KDM5A: variants seen among roughly 807,000 people sequenced by gnomAD.
KDM5A encodes lysine-specific demethylase 5A.
A neutral mutation model predicts 193.5 loss-of-function variants in KDM5A; 42 were observed. The ratio of observed to expected loss-of-function variants is 0.22; its 90% CI spans 0.17 to 0.28. The LOEUF is 0.28. Among genes scored for constraint, KDM5A ranks in the 10% least tolerant of loss-of-function variants. The pLI is 1.00. For synonymous variants in KDM5A, 796 were observed against 718.1 expected, an observed-to-expected ratio of 1.11 and a Z score of -1.73; for missense variants, 1,692 against 2,055.1, an observed-to-expected ratio of 0.82 and a Z score of 3.42.
chr12:348,295 A>G (rs1944104494), intron 10 of KDM5A, among the ~76,000 whole-genome samples: 4 of 152,304 alleles, frequency 2.6e-5, no homozygotes, highest in Admixed American at 2.6e-4. Context: ...AAATAGGAAC[A>G]CTGTTACACT....
intron 10 of KDM5A, among the ~76,000 whole-genome samples, chr12:342,032 C>T (rs1474831453): frequency 6.6e-6 from 1 of 151,990 alleles, no homozygotes; most frequent in Non-Finnish European, 1.5e-5. Flanking sequence ...AATCAAAAAG[C>T]AACTGTCAGC....
At chr12:359,535 C>G (rs924317624) in intron 5 of KDM5A, among the ~76,000 whole-genome samples, 2 of 150,958 alleles carry the variant, frequency 1.3e-5, no homozygotes, top group Non-Finnish European at 3.0e-5. Context: ...GCAGATCACT[C>G]GAGCCCAGAG....
At chr12:291,074 A>G (rs1943287544) in intron 27 of KDM5A, among the ~76,000 whole-genome samples, 1 of 152,184 alleles carries the variant, frequency 6.6e-6, no homozygotes, top group African/African-American at 2.4e-5. Flanking sequence ...ATAAATTCAA[A>G]ATTAAAGATA....
intron 3 of KDM5A, among the ~76,000 whole-genome samples, chr12:372,393 C>A (rs1169874072): frequency 6.7e-6 from 1 of 150,152 alleles, no homozygotes; most frequent in Non-Finnish European, 1.5e-5. Context: ...TGATTTGGCT[C>A]TCTGTTATTG....
At chr12:368,780 A>T (rs1944388698) in intron 3 of KDM5A, among the ~76,000 whole-genome samples, 7 of 152,186 alleles carry the variant, frequency 4.6e-5, no homozygotes, top group Admixed American at 3.3e-4. Flanking sequence ...GCAAAGTTAC[A>T]TACCTTGCAA....
At chr12:352,878 A>G (rs1404839212) in intron 8 of KDM5A, among the ~76,000 whole-genome samples, 1 of 152,200 alleles carries the variant, frequency 6.6e-6, no homozygotes, top group African/African-American at 2.4e-5. Context: ...AAAGGCCATA[A>G]AAGACCTTTG....
chr12:300,633 G>A (rs2137377230), intron 24 of KDM5A, among the ~76,000 whole-genome samples: 1 of 152,204 alleles, frequency 6.6e-6, no homozygotes, highest in East Asian at 1.9e-4. Context: ...AGAGAAGCAA[G>A]AGCAAACAAA....
At chr12:310,858 C>T (rs1457357392) in intron 21 of KDM5A, 27 bp downstream of exon 21, 1 of 1,609,998 alleles carries the variant, frequency 6.2e-7, no homozygotes, top group Non-Finnish European at 8.5e-7. Flanking sequence ...TTATCAGCTG[C>T]TTATGAGAGT....
At chr12:319,527 G>T (rs11608938) in intron 18 of KDM5A, among the ~76,000 whole-genome samples, 23,270 of 152,160 alleles carry the variant, frequency 0.15, 2,128 homozygotes, top group Non-Finnish European at 0.2. Flanking sequence ...AAAGCAAGTG[G>T]ATCGCTTGAG....
chr12:334,412 A>G lies in KDM5A; in HGVS notation c.1319T>C (p.Leu440Pro). The G allele has an allele frequency of 6.2e-7, 1 of 1,613,446 alleles. No individual in the cohort carries two copies. Among genetic ancestry groups the G allele is most frequent in the Non-Finnish European group, 8.5e-7 (1 of 1,179,434 alleles). The change falls in exon 11 of 28, where the codon CTT (leucine) becomes CCT (proline). Residue 440 changes from leucine to proline, a missense_variant. Coordinates refer to ENST00000399788, the MANE Select transcript of KDM5A (RefSeq NM_001042603.3). ...CATGTTATTCAAATTCCAACCAGAAAGTGCATATTCCTATAAGAGAAGAAA... is the reference window on the plus strand; with the variant it reads ...CATGTTATTCAAATTCCAACCAGAAGGTGCATATTCCTATAAGAGAAGAAA... ...KILPEEEEYA[L>P]SGWNLNNMPV...
Position 307,342 on chromosome 12 carries a change from T to C in KDM5A, c.3930+112A>G, listed in dbSNP as rs1389170886. On this transcript the variant is annotated intron_variant, in intron 23 of 27. Coordinates refer to ENST00000399788, the MANE Select transcript of KDM5A (RefSeq NM_001042603.3). The surrounding 1 kb of genome is among the most constrained non-coding windows in gnomAD (Gnocchi z 4.3). ...GTTGAAGGAGAATGCAATGGATAAT[T>C]GCTGACAAGTTACTGTTATTTTCCT... The C allele has an allele frequency of 1.6e-6, 2 of 1,218,782 alleles. No homozygotes were observed. The highest frequency in any genetic ancestry group is 2.4e-6 in the Non-Finnish European group (2 of 837,242). 75.5% of individuals were successfully genotyped at this position (1,218,782 alleles called of 1,614,324 possible). A position where few individuals can be genotyped will look rare whatever the true frequency, so the allele number is the denominator to read the frequency against.
At chr12:336,997 T>C (rs1009371973) in intron 10 of KDM5A, among the ~76,000 whole-genome samples, 4 of 152,174 alleles carry the variant, frequency 2.6e-5, no homozygotes, top group Admixed American at 6.5e-5. Flanking sequence ...TCATGTTGAA[T>C]TGGAATCCCC....
At chr12:306,019 G>A (rs1290079351) in intron 24 of KDM5A, among the ~76,000 whole-genome samples, 1 of 143,112 alleles carries the variant, frequency 7.0e-6, no homozygotes, top group Non-Finnish European at 1.5e-5. Context: ...TGCCCAGGCT[G>A]GAGGGCAGTG....
At chr12:382,259 C>T (rs1944583451) in intron 3 of KDM5A, among the ~76,000 whole-genome samples, 1 of 151,972 alleles carries the variant, frequency 6.6e-6, no homozygotes, top group Non-Finnish European at 1.5e-5. Context: ...TGGAGAAACC[C>T]TGTCTCTACT....
At chr12:290,775 T>C (rs993599219) in intron 27 of KDM5A, among the ~76,000 whole-genome samples, 3 of 151,476 alleles carry the variant, frequency 2.0e-5, no homozygotes, top group Non-Finnish European at 4.4e-5. Flanking sequence ...GAATAATGGA[T>C]GAACTGAATC....
chr12:315,808 G>C (rs1367562341), intron 19 of KDM5A, among the ~76,000 whole-genome samples: 1 of 152,218 alleles, frequency 6.6e-6, no homozygotes, highest in African/African-American at 2.4e-5. Flanking sequence ...AGGAGGCTAT[G>C]AGAAGACATT....
At chr12:316,110 G>A (rs894956017) in intron 19 of KDM5A, among the ~76,000 whole-genome samples, 19 of 152,202 alleles carry the variant, frequency 1.2e-4, no homozygotes, top group Non-Finnish European at 2.5e-4. Context: ...ATGGTAAGTA[G>A]TTAATAACCA....
intron 5 of KDM5A, among the ~76,000 whole-genome samples, chr12:359,467 T>A (rs1334747559): frequency 6.6e-6 from 1 of 152,050 alleles, no homozygotes; most frequent in Non-Finnish European, 1.5e-5. Flanking sequence ...CAAAGGCTTT[T>A]ACAGCTGGGC....
At chr12:339,985 C>T (rs1260159618) in intron 10 of KDM5A, among the ~76,000 whole-genome samples, 1 of 151,758 alleles carries the variant, frequency 6.6e-6, no homozygotes, top group African/African-American at 2.4e-5. Context: ...AAGTGATCCT[C>T]CCACCTCAGC....
Sources: gnomAD v4.1 joint callset for allele counts (sites outside exome capture counted in the v4.1 genomes callset) on GRCh38, gnomAD v4.1.1 for gene constraint, Gnocchi (gnomAD v3.1) non-coding constraint, MANE v1.5 for transcripts, NCBI Gene and HGNC (gene_info 2026-07-23, HGNC 2026-07-21) for gene names.